The following FOXM1 variants were observed in gnomAD, a reference collection of about 807,000 sequenced individuals.
FOXM1 encodes the protein forkhead box M1.
A neutral mutation model predicts 63.6 loss-of-function variants in FOXM1; 25 were observed. The ratio of observed to expected loss-of-function variants is 0.39; its 90% CI spans 0.29 to 0.55. The LOEUF (loss-of-function observed/expected upper bound fraction) is 0.55, where lower values mean the gene tolerates loss of function less well. FOXM1 is among the 20% of genes least tolerant of loss of function. The pLI is 0.60. For missense variants in FOXM1, 879 were observed against 958.7 expected, an observed-to-expected ratio of 0.92 and a Z score of 1.10; for synonymous variants, 387 against 376.9, an observed-to-expected ratio of 1.03 and a Z score of -0.31.
chr12:2,873,774 T>C (rs2098137340), intron 2 of FOXM1, among the ~76,000 whole-genome samples: 1 of 151,984 alleles, frequency 6.6e-6, no homozygotes, highest in African/African-American at 2.4e-5. Flanking sequence ...GAGACGGGTT[T>C]CACCATGTTG....
chr12:2,865,318 C>A, intron 6 of FOXM1, 37 bp downstream of exon 6: 1 of 1,583,030 alleles, frequency 6.3e-7, no homozygotes. Context: ...GAAAGGAAAA[C>A]AAGGCCAAGC....
In FOXM1 at chr12:2,859,523, TTCC is replaced by T; in HGVS notation, c.1404_1406del (p.Glu469del). On this transcript the variant is annotated inframe_deletion, in exon 9 of 9. Transcript: ENST00000359843. Reference sequence around the variant, plus strand: ...TGATGGGTCTCGCTAAGTGTGGCATTTCCTCCCCAGGCTGGATTTCTTCCTCCT... The same window carrying T: ...TGATGGGTCTCGCTAAGTGTGGCATTTCCCCAGGCTGGATTTCTTCCTCCT... The T allele has an allele frequency of 1.2e-6, 2 of 1,614,016 alleles. No individual in the cohort carries two copies. Among genetic ancestry groups the T allele is most frequent in the Non-Finnish European group, 1.7e-6 (2 of 1,179,992 alleles).
rs753959360 is a variant in FOXM1, at chr12:2,864,001, G to A, written c.1266+319C>T. The A allele has an allele frequency of 5.1e-5, 12 of 235,458 alleles. No individual in the cohort carries two copies. The highest frequency in any genetic ancestry group is 8.0e-5 in the South Asian group (1 of 12,474). 14.6% of individuals were successfully genotyped at this position (235,458 alleles called of 1,614,324 possible). ...ATTACAGGTGTAAGCCACAGCGCCC[G>A]GCCAAATCCATCTCTTTCTAAGGCC... On this transcript the variant is annotated intron_variant, in intron 8 of 8. Transcript: ENST00000359843. This position sits in a 1 kb window ranked among gnomAD's most constrained non-coding sequence, Gnocchi z 5.1.
rs774157004 is a variant in FOXM1, at chr12:2,866,434, G to T, written c.934C>A (p.Pro312Thr). The change falls in exon 5 of 9, where the codon CCC becomes ACC. Residue 312 changes from proline (P) to threonine (T), a missense_variant. Transcript: ENST00000359843. The part of the protein sequence containing the change: ...NGKVSFWTIH[P>T]SANRYLTLDQ... Reference sequence around the variant, plus strand: ...AATGTCAAGTAGCGGTTGGCACTGGGGTGAATGGTCCAGAAGGAGACCTTG... The same window carrying T: ...AATGTCAAGTAGCGGTTGGCACTGGTGTGAATGGTCCAGAAGGAGACCTTG... The T allele has an allele frequency of 6.4e-7, 1 of 1,557,434 alleles. No homozygotes were observed. The highest frequency in any genetic ancestry group is 8.7e-7 in the Non-Finnish European group (1 of 1,153,636).
chr12:2,874,988 A>ATTTTTT lies in FOXM1; in HGVS notation c.-47-469_-47-464dup, dbSNP rs556937133. Among the ~76,000 whole-genome samples, 1 of 127,162 alleles carries ATTTTTT rather than the reference A, an allele frequency of 7.9e-6. No individual in the cohort carries two copies. 83.4% of individuals were successfully genotyped at this position (127,162 alleles called of 152,430 possible). ...AATCCATTCAAGACAAAGGATTTTAATTTTTTTTTTTTTTTTTTTTTTGAG... is the reference window on the plus strand; with the variant it reads ...AATCCATTCAAGACAAAGGATTTTAATTTTTTTTTTTTTTTTTTTTTTTTTTTTGAG... On this transcript the variant is annotated intron_variant, in intron 1 of 8. Transcript: ENST00000359843. The surrounding 1 kb of genome is among the most constrained non-coding windows in gnomAD (Gnocchi z 4.3).
intron 8 of FOXM1, chr12:2,861,355 G>A (rs531708034): frequency 2.5e-5 from 18 of 734,086 alleles, no homozygotes; most frequent in South Asian, 1.5e-4. Context: ...CCAAAATCTC[G>A]CAGATCGCCA....
intron 5 of FOXM1, among the ~76,000 whole-genome samples, chr12:2,865,750 T>C (rs191219260): frequency 4.5e-4 from 67 of 149,270 alleles, no homozygotes; most frequent in African/African-American, 1.6e-3. Context: ...CCTCCTGGGT[T>C]CAAGGGATTC....
Position 2,858,439 on chromosome 12 carries a change from G to A in FOXM1, c.*199C>T. 3 of 556,382 alleles carry A rather than the reference G, an allele frequency of 5.4e-6. No homozygotes were observed. Among genetic ancestry groups the A allele is most frequent in the Non-Finnish European group, 9.6e-6 (3 of 314,054 alleles). The allele number at this position is 556,382 out of a possible 1,614,324, so 34.5% of individuals were successfully genotyped here. ...TTCAGCTCCTGGCAGGGACAGCAGA[G>A]GAATCAGATACTCTTGGGGAACACA... On this transcript the variant is annotated 3_prime_UTR_variant, in exon 9 of 9. Coordinates refer to ENST00000359843, the MANE Select transcript of FOXM1 (RefSeq NM_021953.4).
chr12:2,872,341 G>A lies in FOXM1; in HGVS notation c.503-94C>T. 1.5e-6 allele frequency: 2 copies of A among 1,318,546 alleles called. No homozygotes were observed. Among genetic ancestry groups the A allele is most frequent in the Non-Finnish European group, 1.1e-6 (1 of 930,342 alleles). 81.7% of individuals were successfully genotyped at this position (1,318,546 alleles called of 1,614,324 possible). A position where few individuals can be genotyped will look rare whatever the true frequency, so the allele number is the denominator to read the frequency against. On this transcript the variant is annotated intron_variant, in intron 2 of 8. Transcript: ENST00000359843. This position sits in a 1 kb window ranked among gnomAD's most constrained non-coding sequence, Gnocchi z 4.0. ...TGGTGGCTAGCAGGCCGGGTGCAGT[G>A]GCTCACACCTGTAATCCTAGCACTT...
At chr12:2,875,195 G>A (rs1441612220) in intron 1 of FOXM1, among the ~76,000 whole-genome samples, 1 of 152,104 alleles carries the variant, frequency 6.6e-6, no homozygotes, top group Non-Finnish European at 1.5e-5. Context: ...GTTTCACCAT[G>A]TTGCTCAGGC....
chr12:2,869,233 A>C (rs1317124509), intron 3 of FOXM1, among the ~76,000 whole-genome samples: 1 of 152,158 alleles, frequency 6.6e-6, no homozygotes, highest in Admixed American at 6.5e-5. Flanking sequence ...CAAAGCACAC[A>C]GTTAGCTAAG....
At chr12:2,859,912 G>T in intron 8 of FOXM1, 2 of 439,420 alleles carry the variant, frequency 4.6e-6, no homozygotes, top group Non-Finnish European at 8.1e-6. Context: ...GTCTTACACT[G>T]TATACAAAGA....
chr12:2,871,756 C>G (rs898466324), intron 3 of FOXM1, among the ~76,000 whole-genome samples: 1 of 152,052 alleles, frequency 6.6e-6, no homozygotes, highest in African/African-American at 2.4e-5. Context: ...TCAATTCATA[C>G]TGTTCATACT....
intron 4 of FOXM1, among the ~76,000 whole-genome samples, chr12:2,866,772 C>T (rs1331466775): frequency 6.6e-6 from 1 of 152,198 alleles, no homozygotes; most frequent in East Asian, 1.9e-4. Flanking sequence ...AAGAAAAGAC[C>T]TAGATAGCTG....
chr12:2,866,368 A>G, intron 5 of FOXM1, 25 bp downstream of exon 5: 1 of 1,433,902 alleles, frequency 7.0e-7, no homozygotes, highest in East Asian at 2.7e-5. Context: ...CTTAGGCCCT[A>G]TTTAGAGGAA....
rs2098134584 is a variant in FOXM1, at chr12:2,872,333, G to A, written c.503-86C>T. ...ATCAGAATTGGTGGCTAGCAGGCCG[G>A]GTGCAGTGGCTCACACCTGTAATCC... On this transcript the variant is annotated intron_variant, in intron 2 of 8. Transcript: ENST00000359843. The surrounding 1 kb of genome is among the most constrained non-coding windows in gnomAD (Gnocchi z 4.0). The A allele has an allele frequency of 7.0e-7, 1 of 1,432,178 alleles. No individual in the cohort carries two copies. Among genetic ancestry groups the A allele is most frequent in the South Asian group, 1.2e-5 (1 of 82,952 alleles). The allele number at this position is 1,432,178 out of a possible 1,614,324, so 88.7% of individuals were successfully genotyped here. A position where few individuals can be genotyped will look rare whatever the true frequency, so the allele number is the denominator to read the frequency against.
chr12:2,874,576 G>C lies in FOXM1; in HGVS notation c.-47-51C>G. On this transcript the variant is annotated intron_variant, in intron 1 of 8. Coordinates refer to ENST00000359843, the MANE Select transcript of FOXM1 (RefSeq NM_021953.4). This position sits in a 1 kb window ranked among gnomAD's most constrained non-coding sequence, Gnocchi z 4.3. The stretch of plus-strand genomic sequence containing the variant: ...TGTTAGAGATTGTTTAGGCTGAGAA[G>C]AGGTCCTTTTAGAGAAAGGTGCTCC... 1 of 1,315,608 alleles carries C rather than the reference G, an allele frequency of 7.6e-7. No individual in the cohort carries two copies. Among genetic ancestry groups the C allele is most frequent in the Non-Finnish European group, 1.0e-6 (1 of 963,670 alleles). The allele number at this position is 1,315,608 out of a possible 1,614,324, so 81.5% of individuals were successfully genotyped here.
chr12:2,863,546 C>T (rs891955601), intron 8 of FOXM1, among the ~76,000 whole-genome samples: 16 of 151,392 alleles, frequency 1.1e-4, no homozygotes, highest in African/African-American at 2.7e-4. Flanking sequence ...GTACTACCAC[C>T]GTGGCTAATT....
chr12:2,873,509 C>A (rs897574687), intron 2 of FOXM1, among the ~76,000 whole-genome samples: 6 of 151,694 alleles, frequency 4.0e-5, no homozygotes, highest in East Asian at 1.9e-4. Context: ...GCTCAGGAGT[C>A]CGAGACCAGC....
Sources: allele counts gnomAD v4.1 joint callset (sites outside exome capture counted in the v4.1 genomes callset), GRCh38; gene constraint gnomAD v4.1.1; non-coding constraint Gnocchi (gnomAD v3.1); transcripts MANE v1.5; gene names NCBI Gene and HGNC (gene_info 2026-07-23, HGNC 2026-07-21).